SNRPN: variants seen among roughly 807,000 people sequenced by gnomAD.
SNRPN encodes small nuclear ribonucleoprotein polypeptide N.
Under a neutral mutation model 25.2 loss-of-function variants are expected in SNRPN, and 7 were observed. The observed-to-expected ratio is 0.28, with a 90% CI of 0.16 to 0.52. SNRPN has a LOEUF of 0.52. SNRPN is among the 20% of genes least tolerant of loss of function. The probability of loss-of-function intolerance (pLI) is 0.96; values close to 1 mark genes in which losing one functional copy is unlikely to be tolerated. For synonymous variants in SNRPN, 124 were observed against 110.6 expected, an observed-to-expected ratio of 1.12 and a Z score of -0.76; for missense variants, 196 against 322.5, an observed-to-expected ratio of 0.61 and a Z score of 3.00.
chr15:24,974,703 C>A, intron 4 of SNRPN: 1 of 610,242 alleles, frequency 1.6e-6, no homozygotes, highest in Non-Finnish European at 2.9e-6. Flanking sequence ...TCACTGCAAC[C>A]CTGGGTTCAA....
chr15:24,861,452 C>A (rs60049340), intron 1 of SNRPN, among the ~76,000 whole-genome samples: 4,454 of 152,220 alleles, frequency 0.029, 176 homozygotes, highest in African/African-American at 0.093. Flanking sequence ...AGGGCAGTTG[C>A]CATGCCTGGA....
intron 2 of SNRPN, chr15:24,967,086 G>A (rs1254328026): frequency 1.3e-5 from 2 of 152,150 alleles, no homozygotes; most frequent in Non-Finnish European, 1.5e-5. Flanking sequence ...CCCTGCAAAT[G>A]CTTTAGCAGC....
chr15:24,836,206 C>T (rs559336425), intron 2 of SNRPN, among the ~76,000 whole-genome samples: 1 of 152,138 alleles, frequency 6.6e-6, no homozygotes, highest in African/African-American at 2.4e-5. Context: ...CTTATAGGGA[C>T]ACCAGGCAGA....
chr15:24,971,039 C>T (rs927197563), intron 3 of SNRPN, among the ~76,000 whole-genome samples: 1 of 150,942 alleles, frequency 6.6e-6, no homozygotes, highest in African/African-American at 2.5e-5. Context: ...CTTGGCCAAC[C>T]CTAGTCATCT....
At chr15:24,844,775 C>T (rs1013965809) in intron 2 of SNRPN, among the ~76,000 whole-genome samples, 12 of 152,118 alleles carry the variant, frequency 7.9e-5, no homozygotes, top group African/African-American at 1.9e-4. Context: ...CCACCTGCCT[C>T]AGCTTCTCAA....
At chr15:24,975,770 A>T (rs1312731025) in intron 5 of SNRPN, among the ~76,000 whole-genome samples, 1 of 152,194 alleles carries the variant, frequency 6.6e-6, no homozygotes, top group Non-Finnish European at 1.5e-5. Context: ...ATTTATTTTT[A>T]AAATTGAGAA....
chr15:24,843,815 AC>A (rs2051928558), intron 2 of SNRPN, among the ~76,000 whole-genome samples: 1 of 151,112 alleles, frequency 6.6e-6, no homozygotes, highest in Admixed American at 6.6e-5. Flanking sequence ...ACACACACAC[AC>A]AGAAAACTTA....
intron 1 of SNRPN, among the ~76,000 whole-genome samples, chr15:24,960,385 G>T (rs1362306116): frequency 6.6e-6 from 1 of 152,028 alleles, no homozygotes; most frequent in Non-Finnish European, 1.5e-5. Flanking sequence ...TGTCACCCAG[G>T]CTGGTGTGCC....
At position 24,918,794 on chromosome 15, in the gene SNRPN, A is replaced by G. The variant is rs1189025358; in HGVS notation, c.-504-1217A>G. On this transcript the variant is annotated intron_variant, in intron 2 of 11. Transcript: ENST00000400097. ...TATATAACATAATATATATGTGTGC[A>G]TATATATATATAACAATATATATAT... Among the ~76,000 whole-genome samples, 18 of 10,394 alleles carry G rather than the reference A, an allele frequency of 1.7e-3. 3 individuals are homozygous for G. Among genetic ancestry groups the G allele is most frequent in the African/African-American group, 7.3e-3 (16 of 2,192 alleles). The allele number at this position is 10,394 out of a possible 152,430, so 6.8% of individuals were successfully genotyped here. A position where few individuals can be genotyped will look rare whatever the true frequency, so the allele number is the denominator to read the frequency against.
intron 1 of SNRPN, among the ~76,000 whole-genome samples, chr15:24,876,341 G>A (rs1304984980): frequency 6.6e-6 from 1 of 152,124 alleles, no homozygotes; most frequent in African/African-American, 2.4e-5. Context: ...TGTAGGTCCA[G>A]GAGCTGTGGC....
At position 24,826,783 on chromosome 15, in the gene SNRPN, A is replaced by G. The variant is rs563485373; in HGVS notation, c.-687+2933A>G. Among the ~76,000 whole-genome samples the G allele has an allele frequency of 5.9e-5, 9 of 152,244 alleles. No individual in the cohort carries two copies. In the East Asian group the frequency reaches 1.7e-3, roughly 29 times the overall value. ...TTTAAGGTGGATCTAAAAGAAAGGT[A>G]ATATCTCTGCCAATTAAACTAGAGT... On this transcript the variant is annotated intron_variant, in intron 1 of 12. Transcript: ENST00000400100.
chr15:24,946,189 G>A (rs1596076936), intron 3 of SNRPN, among the ~76,000 whole-genome samples: 1 of 152,312 alleles, frequency 6.6e-6, no homozygotes, highest in East Asian at 1.9e-4. Context: ...CTTGAGAGCT[G>A]TGTGACTTTG....
chr15:24,976,314 T>C lies in SNRPN; in HGVS notation c.165T>C (p.Asn55=), dbSNP rs1354209996. ...TAATTCTGATTTGTAGGCCAAAGAATGCGAAGCAACCAGAGCGTGAAGAAA... is the reference window on the plus strand; with the variant it reads ...TAATTCTGATTTGTAGGCCAAAGAACGCGAAGCAACCAGAGCGTGAAGAAA... ...CDEFRKIKPK[N]AKQPEREEKR... The change falls in exon 6 of 10, where the codon AAT becomes AAC. Residue 55 remains asparagine, a synonymous_variant. Coordinates refer to ENST00000390687, the MANE Select transcript of SNRPN (RefSeq NM_003097.6). The C allele has an allele frequency of 1.2e-6, 2 of 1,613,670 alleles. No homozygotes were observed. Among genetic ancestry groups the C allele is most frequent in the East Asian group, 2.2e-5 (1 of 44,860 alleles).
At chr15:24,853,921 C>T (rs569697391), upstream of SNRPN, among the ~76,000 whole-genome samples, 1 of 152,294 alleles carries the variant, frequency 6.6e-6, no homozygotes, top group South Asian at 2.1e-4. Context: ...TCATTCTTCA[C>T]CTCTTTATGG....
At chr15:24,878,236 G>A (rs938420291) in intron 1 of SNRPN, among the ~76,000 whole-genome samples, 1 of 152,210 alleles carries the variant, frequency 6.6e-6, no homozygotes, top group African/African-American at 2.4e-5. Flanking sequence ...TTCCGTGGCG[G>A]GTCTAGGGCT....
chr15:24,935,650 C>G (rs529239685), intron 3 of SNRPN, among the ~76,000 whole-genome samples: 17 of 152,276 alleles, frequency 1.1e-4, no homozygotes, highest in Non-Finnish European at 2.4e-4. Flanking sequence ...TCATCTCAAG[C>G]ATGTGTGATC....
chr15:24,873,576 C>T (rs192046130), intron 1 of SNRPN, among the ~76,000 whole-genome samples: 3 of 151,560 alleles, frequency 2.0e-5, no homozygotes, highest in African/African-American at 7.3e-5. Context: ...GCCTCCCAAG[C>T]AGCTGGGACC....
chr15:24,942,974 C>A (rs887380351), intron 3 of SNRPN, among the ~76,000 whole-genome samples: 1 of 151,534 alleles, frequency 6.6e-6, no homozygotes, highest in Non-Finnish European at 1.5e-5. Flanking sequence ...TCCACTTTGT[C>A]ATAAAAATCC....
chr15:24,978,275 C>T lies in SNRPN; in HGVS notation c.642C>T (p.Gly214=). 1.2e-6 allele frequency: 2 copies of T among 1,614,122 alleles called. No individual in the cohort carries two copies. ...GLPPARGTPI[G]MPPPGMRPPP... ...CCCCTGCTCGAGGGACGCCAATAGG[C>T]ATGCCGCCTCCGGGAATGAGACCCC... Residue 214 remains glycine (G), a synonymous_variant, in exon 9 of 10, where the codon GGC becomes GGT. Coordinates refer to ENST00000390687, the MANE Select transcript of SNRPN (RefSeq NM_003097.6).
Sources: allele counts gnomAD v4.1 joint callset (sites outside exome capture counted in the v4.1 genomes callset), GRCh38; gene constraint gnomAD v4.1.1; transcripts MANE v1.5; gene names NCBI Gene and HGNC (gene_info 2026-07-23, HGNC 2026-07-21).